The following NGEF variants were observed in gnomAD, a reference collection of about 807,000 sequenced individuals.
The protein encoded by NGEF is ephexin-1.
Under a neutral mutation model 80.9 loss-of-function variants are expected in NGEF, and 31 were observed. The ratio of observed to expected loss-of-function variants is 0.38; its 90% CI spans 0.29 to 0.52. The LOEUF (loss-of-function observed/expected upper bound fraction) is 0.52. Ranked by LOEUF, NGEF falls within the 20% of genes least tolerant of loss-of-function variation. NGEF has a pLI of 0.84. For synonymous variants in NGEF, 371 were observed against 370.2 expected, an observed-to-expected ratio of 1.00 and a Z score of -0.03; for missense variants, 709 against 926.2, an observed-to-expected ratio of 0.77 and a Z score of 3.04.
At chr2:233,001,149 A>C (rs1383354446) in intron 1 of NGEF, among the ~76,000 whole-genome samples, 1 of 152,184 alleles carries the variant, frequency 6.6e-6, no homozygotes, top group African/African-American at 2.4e-5. Context: ...GAATCAACCC[A>C]GAGGCTGGGC....
intron 3 of NGEF, among the ~76,000 whole-genome samples, chr2:232,930,311 GCTCTCT>G (rs942044866): frequency 1.5e-5 from 2 of 130,860 alleles, no homozygotes; most frequent in South Asian, 2.5e-4. Context: ...AGTACTCTGG[GCTCTCT>G]CTCTCTCTCT....
chr2:232,942,353 A>G (rs535917880), intron 3 of NGEF, among the ~76,000 whole-genome samples: 1 of 152,218 alleles, frequency 6.6e-6, no homozygotes, highest in Non-Finnish European at 1.5e-5. Flanking sequence ...CAGAGCACCT[A>G]GTACACCTTT....
intron 1 of NGEF, among the ~76,000 whole-genome samples, chr2:232,987,093 T>G (rs544598751): frequency 6.6e-6 from 1 of 152,154 alleles, no homozygotes; most frequent in African/African-American, 2.4e-5. Flanking sequence ...CTCGGCTCAC[T>G]GCAATGTCTG....
chr2:233,009,140 T>A (rs577761198), intron 1 of NGEF, among the ~76,000 whole-genome samples: 1 of 152,216 alleles, frequency 6.6e-6, no homozygotes, highest in South Asian at 2.1e-4. Context: ...ACAATAAGTA[T>A]CTTTATTCTT....
At chr2:232,924,926 A>T (rs1693029218) in intron 4 of NGEF, among the ~76,000 whole-genome samples, 1 of 152,216 alleles carries the variant, frequency 6.6e-6, no homozygotes, top group Admixed American at 6.5e-5. Flanking sequence ...TACAGTGTGT[A>T]ACCATTTCTC....
At chr2:233,000,942 A>G (rs959133337) in intron 1 of NGEF, among the ~76,000 whole-genome samples, 5 of 152,144 alleles carry the variant, frequency 3.3e-5, no homozygotes, top group Non-Finnish European at 7.4e-5. Context: ...GTCTCAGTTT[A>G]ACCCGATTTC....
intron 1 of NGEF, among the ~76,000 whole-genome samples, chr2:232,975,451 A>T (rs1472152221): frequency 2.6e-5 from 4 of 152,222 alleles, no homozygotes; most frequent in African/African-American, 9.6e-5. Context: ...CTGGCAACCA[A>T]GTCTAGTGGG....
intron 13 of NGEF, among the ~76,000 whole-genome samples, chr2:232,881,590 T>G (rs1691506712): frequency 1.3e-5 from 2 of 152,092 alleles, no homozygotes; most frequent in Non-Finnish European, 2.9e-5. Context: ...GCAGCTGAAC[T>G]TGTGTTTTCT....
At chr2:233,003,638 C>T (rs1171135749) in intron 1 of NGEF, among the ~76,000 whole-genome samples, 1 of 152,140 alleles carries the variant, frequency 6.6e-6, no homozygotes, top group Non-Finnish European at 1.5e-5. Flanking sequence ...GTTCATCCAT[C>T]GGCTCCTTTC....
At chr2:232,936,838 C>A (rs184259823) in intron 3 of NGEF, among the ~76,000 whole-genome samples, 26 of 152,242 alleles carry the variant, frequency 1.7e-4, no homozygotes, top group African/African-American at 6.3e-4. Flanking sequence ...TCTGTGAGTT[C>A]TTCTAGCAAT....
At chr2:232,948,543 A>T (rs1693610059) in intron 3 of NGEF, among the ~76,000 whole-genome samples, 1 of 152,162 alleles carries the variant, frequency 6.6e-6, no homozygotes, top group African/African-American at 2.4e-5. Flanking sequence ...GAGAAAAGAG[A>T]GAGAATGCCA....
chr2:232,901,809 G>A (rs1416616267), intron 5 of NGEF, among the ~76,000 whole-genome samples: 2 of 152,220 alleles, frequency 1.3e-5, no homozygotes, highest in Non-Finnish European at 2.9e-5. Flanking sequence ...AATGCCAAGG[G>A]TCTAAGGCGT....
chr2:233,000,659 C>T (rs1694953620), intron 1 of NGEF, among the ~76,000 whole-genome samples: 1 of 151,724 alleles, frequency 6.6e-6, no homozygotes, highest in Non-Finnish European at 1.5e-5. Flanking sequence ...ACTCAGGAGG[C>T]TGAGGCAGGA....
intron 1 of NGEF, among the ~76,000 whole-genome samples, chr2:233,011,587 G>GA (rs10606451): frequency 1.8e-3 from 254 of 138,270 alleles, no homozygotes; most frequent in South Asian, 0.018. Flanking sequence ...TTAAAGCAAT[G>GA]AAAAAAAAAA....
chr2:232,941,798 C>G (rs1257103249), intron 3 of NGEF, among the ~76,000 whole-genome samples: 1 of 152,194 alleles, frequency 6.6e-6, no homozygotes, highest in Non-Finnish European at 1.5e-5. Flanking sequence ...CACCTCAATT[C>G]ACTACATAAA....
At chr2:232,953,498 CT>C (rs61259136) in intron 3 of NGEF, among the ~76,000 whole-genome samples, 37,126 of 128,996 alleles carry the variant, frequency 0.29, 4,987 homozygotes, top group African/African-American at 0.41. Flanking sequence ...GACTTACATT[CT>C]TTTTTTTTTT....
rs147011107 is a variant in NGEF at position 232,887,170 on chromosome 2, T to C, written c.1347+863A>G. ...AGTGGAATATGGACATCCCCCGCCT[T>C]GCTCTCCACCATGACGGCGTCACTG... On this transcript the variant is annotated intron_variant, in intron 9 of 14. Coordinates refer to ENST00000264051, the MANE Select transcript of NGEF (RefSeq NM_019850.3). Among the ~76,000 whole-genome samples, 1,333 of 152,356 alleles carry C rather than the reference T, an allele frequency of 8.7e-3. 35 individuals carry two copies. The highest frequency in any genetic ancestry group is 0.054 in the Admixed American group (828 of 15,306).
intron 3 of NGEF, among the ~76,000 whole-genome samples, chr2:232,967,606 C>T (rs1694090363): frequency 6.6e-6 from 1 of 152,038 alleles, no homozygotes; most frequent in Non-Finnish European, 1.5e-5. Context: ...AAGTGCAAAC[C>T]TCTTTTCTTG....
chr2:233,011,736 C>T (rs1235892978), intron 1 of NGEF, among the ~76,000 whole-genome samples: 1 of 152,200 alleles, frequency 6.6e-6, no homozygotes, highest in Admixed American at 6.5e-5. Flanking sequence ...TACAGGCATG[C>T]ATCAGCTCTT....
Sources: allele counts gnomAD v4.1 joint callset (sites outside exome capture counted in the v4.1 genomes callset), GRCh38; gene constraint gnomAD v4.1.1; transcripts MANE v1.5; gene names NCBI Gene and HGNC (gene_info 2026-07-23, HGNC 2026-07-21).